Variants in ATAD1 observed in about 807,000 individuals in gnomAD.
The protein encoded by ATAD1 is outer mitochondrial transmembrane helix translocase.
ATAD1 carries 18 observed loss-of-function variants against 42.7 expected under a neutral mutation model. The observed-to-expected ratio is 0.42, with a 90% CI of 0.29 to 0.63. The LOEUF (loss-of-function observed/expected upper bound fraction) is 0.63, where lower values mean the gene tolerates loss of function less well. ATAD1 is among the 20% of genes least tolerant of loss of function. The pLI is 0.19. For missense variants in ATAD1, 294 were observed against 440.4 expected, an observed-to-expected ratio of 0.67 and a Z score of 2.98; for synonymous variants, 132 against 143.1, an observed-to-expected ratio of 0.92 and a Z score of 0.55.
intron 4 of ATAD1, among the ~76,000 whole-genome samples, chr10:87,787,313 T>C (rs749964097): frequency 6.6e-6 from 1 of 152,186 alleles, no homozygotes; most frequent in South Asian, 2.1e-4. Context: ...GTAAGTGCTA[T>C]ATGCAAATAA....
intron 1 of ATAD1, among the ~76,000 whole-genome samples, chr10:87,829,709 TA>T (rs1857795152): frequency 6.6e-6 from 1 of 152,172 alleles, no homozygotes; most frequent in Non-Finnish European, 1.5e-5. Context: ...AGATGTGGTA[TA>T]AATAGCAAGA....
chr10:87,809,328 G>A (rs1857070705), intron 2 of ATAD1, among the ~76,000 whole-genome samples: 1 of 152,064 alleles, frequency 6.6e-6, no homozygotes, highest in Non-Finnish European at 1.5e-5. Flanking sequence ...TTTGTATACT[G>A]TATTCTTGCA....
At chr10:87,799,131 A>AT (rs1856557040) in intron 2 of ATAD1, among the ~76,000 whole-genome samples, 1 of 152,242 alleles carries the variant, frequency 6.6e-6, no homozygotes, top group African/African-American at 2.4e-5. Flanking sequence ...GCTAGCTTTA[A>AT]AATTACTGGC....
chr10:87,769,557 T>C (rs1307148693), intron 7 of ATAD1, among the ~76,000 whole-genome samples: 1 of 152,222 alleles, frequency 6.6e-6, no homozygotes, highest in African/African-American at 2.4e-5. Context: ...TTTATTTCTG[T>C]GTCTGCCTCT....
chr10:87,785,369 TTAAATATATAATAATAC>T (rs1489329162), intron 4 of ATAD1, among the ~76,000 whole-genome samples: 2 of 149,580 alleles, frequency 1.3e-5, no homozygotes, highest in African/African-American at 4.9e-5. Context: ...TTTAATAATA[TTAAATATATAATAATAC>T]TAAATATATA....
intron 3 of ATAD1, 90 bp downstream of exon 3, chr10:87,792,567 C>T (rs1856176159): frequency 1.1e-6 from 1 of 900,940 alleles, no homozygotes; most frequent in South Asian, 1.5e-5. Flanking sequence ...AATCAAAGAA[C>T]CCGGCCGTGA....
intron 5 of ATAD1, among the ~76,000 whole-genome samples, chr10:87,780,908 G>A (rs1041953627): frequency 6.6e-6 from 1 of 152,166 alleles, no homozygotes; most frequent in African/African-American, 2.4e-5. Context: ...ATCTTTGCCT[G>A]GGCTCTGAGG....
intron 9 of ATAD1, among the ~76,000 whole-genome samples, chr10:87,755,116 C>CA (rs1180416670): frequency 6.6e-6 from 1 of 152,018 alleles, no homozygotes; most frequent in East Asian, 1.9e-4. Context: ...TATAAGTACA[C>CA]AATATTACCA....
Position 87,753,193 on chromosome 10 carries a change from T to G in ATAD1, c.*1494A>C, listed in dbSNP as rs1443269416. The G allele has an allele frequency of 1.3e-5, 2 of 152,176 alleles. No individual in the cohort carries two copies. Among genetic ancestry groups the G allele is most frequent in the Non-Finnish European group, 2.9e-5 (2 of 68,016 alleles). The allele number at this position is 152,176 out of a possible 1,614,324, so 9.4% of individuals were successfully genotyped here. ...TAAAAATGGGACACTTTTTTTCATT[T>G]TTGGTATCTTGTATTCAGTTTTTCC... On this transcript the variant is annotated 3_prime_UTR_variant, in exon 10 of 10. Transcript: ENST00000680024.
chr10:87,754,704 G>A lies in ATAD1; in HGVS notation c.1069C>T (p.His357Tyr). ...KDAAFQNVLT[H>Y]VCLD The stretch of plus-strand genomic sequence containing the variant: ...CTTTACTCTTAATCTAAACAAACAT[G>A]TGTTAAAACATTCTGAAATGCTGCA... Residue 357 changes from histidine (H) to tyrosine (Y), a missense_variant, in exon 10 of 10, where the codon CAT (histidine) becomes TAT (tyrosine). By Grantham distance (83) the His-to-Tyr change is moderately conservative. This residue lies in a region of ATAD1 where 142 missense variants were observed against 174.6 expected (regional missense o/e 0.81). Coordinates refer to ENST00000680024, the MANE Select transcript of ATAD1 (RefSeq NM_001321967.2). 1 of 1,613,232 alleles carries A rather than the reference G, an allele frequency of 6.2e-7. No individual in the cohort carries two copies. The highest frequency in any genetic ancestry group is 8.5e-7 in the Non-Finnish European group (1 of 1,179,644).
chr10:87,792,587 C>A (rs1257272913), intron 3 of ATAD1, 70 bp downstream of exon 3: 1 of 1,161,996 alleles, frequency 8.6e-7, no homozygotes, highest in Non-Finnish European at 1.3e-6. Flanking sequence ...ATCTTTAAGA[C>A]CCCTGACACA....
At chr10:87,760,089 C>A (rs1191043056) in intron 8 of ATAD1, among the ~76,000 whole-genome samples, 1 of 152,120 alleles carries the variant, frequency 6.6e-6, no homozygotes, top group African/African-American at 2.4e-5. Flanking sequence ...TTATATCCAC[C>A]ATTAATAGTA....
At chr10:87,761,070 AT>A (rs5786792) in intron 8 of ATAD1, among the ~76,000 whole-genome samples, 6,295 of 151,786 alleles carry the variant, frequency 0.041, 297 homozygotes, top group African/African-American at 0.11. Context: ...GTTCATGTGA[AT>A]TTAAAAAAAA....
chr10:87,768,240 A>G (rs1175426447), intron 7 of ATAD1, among the ~76,000 whole-genome samples: 3 of 152,250 alleles, frequency 2.0e-5, no homozygotes, highest in Non-Finnish European at 4.4e-5. Flanking sequence ...CCCAGTGACA[A>G]TTCCTATTTT....
At chr10:87,839,669 T>C (rs2132122526) in intron 1 of ATAD1, among the ~76,000 whole-genome samples, 1 of 152,298 alleles carries the variant, frequency 6.6e-6, no homozygotes, top group Admixed American at 6.5e-5. Context: ...CATGTTATGC[T>C]CTATTGCTTT....
At chr10:87,791,198 C>T (rs1488881113) in intron 3 of ATAD1, among the ~76,000 whole-genome samples, 1 of 125,698 alleles carries the variant, frequency 8.0e-6, no homozygotes, top group African/African-American at 3.3e-5. Flanking sequence ...GAGTGAGACT[C>T]TGTCTCAAAA....
intron 1 of ATAD1, among the ~76,000 whole-genome samples, chr10:87,829,544 T>A (rs1239462344): frequency 6.6e-6 from 1 of 152,136 alleles, no homozygotes; most frequent in Non-Finnish European, 1.5e-5. Context: ...ATGAGCCACC[T>A]CGCCCGGCCA....
At chr10:87,831,700 A>T (rs1857832578) in intron 1 of ATAD1, among the ~76,000 whole-genome samples, 1 of 152,220 alleles carries the variant, frequency 6.6e-6, no homozygotes, top group African/African-American at 2.4e-5. Flanking sequence ...ATTCCCTATG[A>T]TACAACAAAT....
intron 1 of ATAD1, among the ~76,000 whole-genome samples, chr10:87,815,047 TTGAG>T (rs1230552008): frequency 2.6e-5 from 4 of 152,118 alleles, no homozygotes; most frequent in Non-Finnish European, 4.4e-5. Flanking sequence ...CAGGTAATTT[TTGAG>T]TGAAATTCAA....
Sources: gnomAD v4.1 joint callset for allele counts (sites outside exome capture counted in the v4.1 genomes callset) on GRCh38, gnomAD v4.1.1 for gene constraint, gnomAD v4.1.1 regional missense constraint, MANE v1.5 for transcripts, NCBI Gene and HGNC (gene_info 2026-07-23, HGNC 2026-07-21) for gene names.